Variants in SEMA3D observed in about 807,000 individuals in gnomAD.
SEMA3D encodes the protein semaphorin 3D.
A neutral mutation model predicts 100.1 loss-of-function variants in SEMA3D; 84 were observed. That is an observed-to-expected ratio of 0.84 (90% CI 0.70 to 1.01). SEMA3D has a LOEUF of 1.01. SEMA3D is among the 50% of genes least tolerant of loss of function. SEMA3D has a pLI of 0.00. For synonymous variants in SEMA3D, 312 were observed against 320.7 expected, an observed-to-expected ratio of 0.97 and a Z score of 0.29; for missense variants, 875 against 934.1, an observed-to-expected ratio of 0.94 and a Z score of 0.82.
intron 4 of SEMA3D, among the ~76,000 whole-genome samples, chr7:85,087,767 C>A (rs543352777): frequency 6.6e-6 from 1 of 152,074 alleles, no homozygotes; most frequent in Non-Finnish European, 1.5e-5. Context: ...TATAGTATTT[C>A]ACAATTGATT....
At chr7:85,151,552 G>A in intron 2 of SEMA3D, 7 of 804,254 alleles carry the variant, frequency 8.7e-6, no homozygotes, top group Non-Finnish European at 9.0e-6. Context: ...TTCTATGCTG[G>A]TTAAAATAGA....
At chr7:85,141,804 G>T in intron 2 of SEMA3D, 1 of 762,558 alleles carries the variant, frequency 1.3e-6, no homozygotes, top group Non-Finnish European at 1.6e-6. Context: ...GGCGGTCAGT[G>T]TAACCCCTAC....
chr7:85,045,007 A>C (rs952682415), intron 9 of SEMA3D, among the ~76,000 whole-genome samples: 2 of 152,100 alleles, frequency 1.3e-5, no homozygotes, highest in Admixed American at 6.6e-5. Context: ...AAATTGAAAA[A>C]AATTTTCAGA....
At chr7:85,042,354 C>A in intron 9 of SEMA3D, 69 bp from the exon 10 acceptor site, 1 of 1,069,728 alleles carries the variant, frequency 9.3e-7, no homozygotes, top group Non-Finnish European at 1.4e-6. Flanking sequence ...AAACTGGTGG[C>A]TATTACAGGT....
At chr7:85,107,079 T>C (rs1469208558) in intron 3 of SEMA3D, among the ~76,000 whole-genome samples, 3 of 152,064 alleles carry the variant, frequency 2.0e-5, no homozygotes, top group Non-Finnish European at 2.9e-5. Context: ...TCTCTCGGTA[T>C]TATGAAATTT....
chr7:85,163,246 G>A (rs893782253), intron 1 of SEMA3D: 4 of 152,064 alleles, frequency 2.6e-5, no homozygotes, highest in African/African-American at 9.7e-5. Flanking sequence ...GGAAATTGGG[G>A]CAAGTTATTT....
chr7:85,093,045 C>T (rs915863648), intron 4 of SEMA3D, among the ~76,000 whole-genome samples: 1 of 151,996 alleles, frequency 6.6e-6, no homozygotes, highest in African/African-American at 2.4e-5. Context: ...CTTTGTAAGT[C>T]TTTCCAAATA....
intron 11 of SEMA3D, among the ~76,000 whole-genome samples, chr7:85,039,969 CTT>C (rs776990536): frequency 4.9e-4 from 44 of 90,610 alleles, no homozygotes; most frequent in African/African-American, 1.7e-3. Context: ...TACGCAAACA[CTT>C]TTTTTTTTTT....
At chr7:85,098,939 T>C (rs537422852) in intron 3 of SEMA3D, among the ~76,000 whole-genome samples, 18 of 152,100 alleles carry the variant, frequency 1.2e-4, no homozygotes, top group African/African-American at 4.3e-4. Context: ...ATGTTGCCTT[T>C]GCAGATTGGC....
rs1790283909 is a variant in SEMA3D, at chr7:85,022,521, A to G, written c.1284T>C (p.Tyr428=). The change falls in exon 13 of 19, where the codon TAT becomes TAC. Residue 428 remains tyrosine (Y), a synonymous_variant. Coordinates refer to ENST00000284136, the MANE Select transcript of SEMA3D (RefSeq NM_001384900.1). ...CTCCTGCAACTGGGTATACGGACTTATACATCACAGAGTGCCGCTTTATGA... is the reference window on the plus strand; with the variant it reads ...CTCCTGCAACTGGGTATACGGACTTGTACATCACAGAGTGCCGCTTTATGA... ...ISFIKRHSVM[Y]KSVYPVAGGP... is the part of the protein sequence containing the mutation. 1.2e-6 allele frequency: 2 copies of G among 1,612,492 alleles called. No individual in the cohort carries two copies. The highest frequency in any genetic ancestry group is 1.7e-6 in the Non-Finnish European group (2 of 1,178,918).
intron 2 of SEMA3D, chr7:85,142,619 T>C (rs1790086621): frequency 1.0e-6 from 1 of 984,516 alleles, no homozygotes; most frequent in Admixed American, 6.2e-5. Context: ...GGATATTTGT[T>C]TTATTTCAGA....
intron 12 of SEMA3D, chr7:85,028,347 A>G: frequency 3.2e-6 from 2 of 627,536 alleles, no homozygotes; most frequent in East Asian, 3.1e-5. Context: ...GGAATTATCA[A>G]TGTGCCAATT....
intron 4 of SEMA3D, among the ~76,000 whole-genome samples, chr7:85,084,514 A>G (rs1385752985): frequency 6.6e-6 from 1 of 152,140 alleles, no homozygotes; most frequent in African/African-American, 2.4e-5. Context: ...AATTGATTTA[A>G]TATTTTTAAT....
rs777504509 is a variant in SEMA3D at position 84,996,146 on chromosome 7, C to T, written c.*3294G>A. On this transcript the variant is annotated 3_prime_UTR_variant, in exon 19 of 19. Transcript: ENST00000284136. ...ATACAACATTTAAGTTTAAGAAAAT[C>T]AGTATTTAATGAATGCTCTTATTAT... The T allele has an allele frequency of 7.3e-5, 11 of 151,690 alleles. No individual in the cohort carries two copies. The highest frequency in any genetic ancestry group is 1.5e-4 in the Non-Finnish European group (10 of 67,788). The allele number at this position is 151,690 out of a possible 1,614,324, so 9.4% of individuals were successfully genotyped here.
rs866520860 is a variant in SEMA3D at position 85,103,829 on chromosome 7, C to G, written c.152-5864G>C. Among the ~76,000 whole-genome samples, 8 of 151,972 alleles carry G rather than the reference C, an allele frequency of 5.3e-5. No homozygotes were observed. The South Asian group carries it at 1.5e-3, about 28-fold the overall frequency. ...TATCTACTTGCTTAAATATAGAAAT[C>G]ATTGCATATTACAAATTTTGATGGA... On this transcript the variant is annotated intron_variant, in intron 3 of 18. Transcript: ENST00000284136.
chr7:85,129,984 T>C (rs1475874910), intron 2 of SEMA3D, among the ~76,000 whole-genome samples: 2 of 152,144 alleles, frequency 1.3e-5, no homozygotes, highest in African/African-American at 4.8e-5. Flanking sequence ...TTTTATTTTT[T>C]TAAAAAAGAT....
At chr7:85,007,514 T>A (rs542795648) in intron 17 of SEMA3D, among the ~76,000 whole-genome samples, 1 of 151,586 alleles carries the variant, frequency 6.6e-6, no homozygotes, top group African/African-American at 2.4e-5. Flanking sequence ...TAATCTACCA[T>A]TTTTTTTCTT....
chr7:85,214,887 T>C, the SEMA3D span, among the ~76,000 whole-genome samples: 1 of 152,142 alleles, frequency 6.6e-6, no homozygotes, highest in East Asian at 1.9e-4. Flanking sequence ...ACTATGTACG[T>C]ATGTACATTT....
At chr7:85,091,043 G>C (rs975022625) in intron 4 of SEMA3D, among the ~76,000 whole-genome samples, 14 of 149,670 alleles carry the variant, frequency 9.4e-5, no homozygotes, top group Non-Finnish European at 1.9e-4. Context: ...GAAAGAAAGA[G>C]AGAGAGAAAG....
Sources: gnomAD v4.1 joint callset for allele counts (sites outside exome capture counted in the v4.1 genomes callset) on GRCh38, gnomAD v4.1.1 for gene constraint, MANE v1.5 for transcripts, NCBI Gene and HGNC (gene_info 2026-07-23, HGNC 2026-07-21) for gene names.